CACNA1C: variants seen among roughly 807,000 people sequenced by gnomAD.
CACNA1C encodes the protein voltage-dependent L-type calcium channel subunit alpha-1C.
In CACNA1C, 30 loss-of-function variants were observed where a neutral mutation model predicts 229.0. The observed-to-expected ratio is 0.13, with a 90% CI of 0.10 to 0.18. The LOEUF (loss-of-function observed/expected upper bound fraction) is 0.18. CACNA1C is among the 10% of genes least tolerant of loss of function. CACNA1C has a pLI of 1.00. For synonymous variants in CACNA1C, 1,114 were observed against 1,132.5 expected, an observed-to-expected ratio of 0.98 and a Z score of 0.33; for missense variants, 1,658 against 2,845.0, an observed-to-expected ratio of 0.58 and a Z score of 9.49.
At chr12:2,276,252 G>A (rs1426353339) in intron 3 of CACNA1C, among the ~76,000 whole-genome samples, 2 of 152,154 alleles carry the variant, frequency 1.3e-5, no homozygotes, top group Non-Finnish European at 2.9e-5. Context: ...AATCTCTGTT[G>A]CAGTCTGTCC....
intron 11 of CACNA1C, among the ~76,000 whole-genome samples, chr12:2,565,461 G>A (rs370601183): frequency 5.2e-5 from 7 of 134,520 alleles, no homozygotes; most frequent in Admixed American, 1.5e-4. Flanking sequence ...GCGACAGAGC[G>A]AGACTCCGTC....
intron 24 of CACNA1C, among the ~76,000 whole-genome samples, chr12:2,606,286 C>G (rs1375668868): frequency 6.6e-6 from 1 of 152,040 alleles, no homozygotes; most frequent in East Asian, 1.9e-4. Context: ...AGCATTCGCC[C>G]CCGCTCCCCT....
chr12:2,497,785 A>AT (rs548597121), intron 7 of CACNA1C, among the ~76,000 whole-genome samples: 20 of 152,254 alleles, frequency 1.3e-4, no homozygotes, highest in Non-Finnish European at 2.2e-4. Context: ...TAAAAGAAAG[A>AT]TTTTTTTAGA....
At chr12:2,444,468 C>T (rs1010154522) in intron 3 of CACNA1C, among the ~76,000 whole-genome samples, 2 of 152,042 alleles carry the variant, frequency 1.3e-5, no homozygotes, top group Non-Finnish European at 2.9e-5. Context: ...TTTGTAGTGG[C>T]TGTTCCGTAC....
In CACNA1C at chr12:2,504,409, T is replaced by A. The variant is rs1300030169; in HGVS notation, c.1114-433T>A. ...TGCTGTAACCCAATTCTGCTTCTTC[T>A]TTCCTAACTTTCCTTCGTCTTTCCA... On this transcript the variant is annotated intron_variant, in intron 7 of 46. Transcript: ENST00000399655. The surrounding 1 kb of genome is among the most constrained non-coding windows in gnomAD (Gnocchi z 6.8). 7.3e-7 allele frequency: 1 copy of A among 1,375,492 alleles called. No homozygotes were observed. The highest frequency in any genetic ancestry group is 1.0e-6 in the Non-Finnish European group (1 of 962,754). The allele number at this position is 1,375,492 out of a possible 1,614,324, so 85.2% of individuals were successfully genotyped here.
chr12:2,019,966 T>A (rs942129093), intron 1 of CACNA1C: 1 of 152,226 alleles, frequency 6.6e-6, no homozygotes, highest in African/African-American at 2.4e-5. Flanking sequence ...TAAAATAGTA[T>A]GAAAGACAAA....
At chr12:2,473,686 T>C (rs149760790) in intron 5 of CACNA1C, among the ~76,000 whole-genome samples, 1 of 152,280 alleles carries the variant, frequency 6.6e-6, no homozygotes, top group East Asian at 1.9e-4. Context: ...CTTGTCAAGG[T>C]CACACAGTTA....
chr12:2,697,303 A>G lies in CACNA1C; in HGVS notation c.*6104A>G, dbSNP rs1215985590. On this transcript the variant is annotated 3_prime_UTR_variant, in exon 47 of 47. Coordinates refer to ENST00000399655, the MANE Select transcript of CACNA1C (RefSeq NM_000719.7). The stretch of plus-strand genomic sequence containing the variant: ...GAGGCCATGGGAAACAGAGATGAGC[A>G]TGTCTGGACAAGTCTGTGATGGTAG... The G allele has an allele frequency of 6.6e-6, 1 of 152,218 alleles. No homozygotes were observed. Among genetic ancestry groups the G allele is most frequent in the Non-Finnish European group, 1.5e-5 (1 of 68,038 alleles). 9.4% of individuals were successfully genotyped at this position (152,218 alleles called of 1,614,324 possible).
At chr12:2,059,784 A>G (rs925251601) in intron 1 of CACNA1C, among the ~76,000 whole-genome samples, 2 of 152,190 alleles carry the variant, frequency 1.3e-5, no homozygotes, top group Non-Finnish European at 2.9e-5. Context: ...TCATGGAGGC[A>G]GGGATGTAAC....
chr12:2,457,193 TGGGAG>T (rs1368480389), intron 4 of CACNA1C, among the ~76,000 whole-genome samples: 1 of 152,314 alleles, frequency 6.6e-6, no homozygotes, highest in East Asian at 1.9e-4. Flanking sequence ...CTGGCACACC[TGGGAG>T]GGGCGCTAGG....
intron 3 of CACNA1C, among the ~76,000 whole-genome samples, chr12:2,419,956 C>G (rs894320119): frequency 2.0e-5 from 3 of 152,152 alleles, no homozygotes; most frequent in African/African-American, 7.2e-5. Context: ...GTACCCGCCA[C>G]CAGTCTCCAA....
intron 44 of CACNA1C, 114 bp from the exon 45 acceptor site, chr12:2,686,049 AAGG>A (rs1366717969): frequency 1.1e-6 from 1 of 932,070 alleles, no homozygotes; most frequent in African/African-American, 1.6e-5. Flanking sequence ...GGGGAGGGGA[AAGG>A]AGGAGCGTCT....
At chr12:2,073,024 G>C (rs1308329420) in intron 1 of CACNA1C, among the ~76,000 whole-genome samples, 1 of 152,086 alleles carries the variant, frequency 6.6e-6, no homozygotes, top group Non-Finnish European at 1.5e-5. Flanking sequence ...GGACAGTGGG[G>C]CCGCTGGCTG....
rs140017278 is a variant in CACNA1C at position 2,505,725 on chromosome 12, G to C, written c.1217+780G>C. Among the ~76,000 whole-genome samples, 849 of 152,252 alleles carry C rather than the reference G, an allele frequency of 5.6e-3. 2 individuals are homozygous for C. Among genetic ancestry groups the C allele is most frequent in the African/African-American group, 0.019 (770 of 41,550 alleles). Reference sequence around the variant, plus strand: ...ATGGCCACCTTTTCACCATGGAAACGCATAGGATATTTCCTCAACCCACTT... The same window carrying C: ...ATGGCCACCTTTTCACCATGGAAACCCATAGGATATTTCCTCAACCCACTT... On this transcript the variant is annotated intron_variant, in intron 8 of 46. Transcript: ENST00000399655.
chr12:2,097,435 C>T (rs529922657), intron 1 of CACNA1C, among the ~76,000 whole-genome samples: 57 of 152,256 alleles, frequency 3.7e-4, no homozygotes, highest in Admixed American at 3.3e-4. Context: ...TGTGAGCCAC[C>T]GCGCCTGGCC....
intron 13 of CACNA1C, among the ~76,000 whole-genome samples, chr12:2,576,947 C>T (rs1295659058): frequency 6.6e-6 from 1 of 152,202 alleles, no homozygotes; most frequent in Non-Finnish European, 1.5e-5. Context: ...TTTGTCTCAT[C>T]TTCTAGATGA....
At chr12:1,988,806 C>T (rs771129186) in intron 1 of CACNA1C, among the ~76,000 whole-genome samples, 2 of 152,062 alleles carry the variant, frequency 1.3e-5, no homozygotes, top group Non-Finnish European at 1.5e-5. Flanking sequence ...GTACTATTTC[C>T]GTTATTTATA....
chr12:1,999,049 G>T (rs2041580686), intron 1 of CACNA1C, among the ~76,000 whole-genome samples: 1 of 152,212 alleles, frequency 6.6e-6, no homozygotes, highest in Admixed American at 6.5e-5. Context: ...CTTTAGTTCA[G>T]TGGGTCTCAA....
At chr12:2,227,996 G>A (rs1400002268) in intron 3 of CACNA1C, among the ~76,000 whole-genome samples, 1 of 152,174 alleles carries the variant, frequency 6.6e-6, no homozygotes, top group Non-Finnish European at 1.5e-5. Flanking sequence ...GGTGCCTTGT[G>A]CTGGAGCGTC....
Sources: gnomAD v4.1 joint callset for allele counts (sites outside exome capture counted in the v4.1 genomes callset) on GRCh38, gnomAD v4.1.1 for gene constraint, Gnocchi (gnomAD v3.1) non-coding constraint, MANE v1.5 for transcripts, NCBI Gene and HGNC (gene_info 2026-07-23, HGNC 2026-07-21) for gene names.